The following MGMT variants were observed in gnomAD, a reference collection of about 807,000 sequenced individuals.
MGMT encodes O-6-methylguanine-DNA methyltransferase, also known as methylated-DNA--protein-cysteine methyltransferase.
Under a neutral mutation model 15.9 loss-of-function variants are expected in MGMT, and 14 were observed. The ratio of observed to expected loss-of-function variants is 0.88; its 90% CI spans 0.58 to 1.37. MGMT has a LOEUF of 1.37. Ranked by LOEUF, MGMT falls within the 40% of genes most tolerant of loss-of-function variation. The pLI is 0.00. For missense variants in MGMT, 282 were observed against 268.1 expected, an observed-to-expected ratio of 1.05 and a Z score of -0.36; for synonymous variants, 130 against 118.2, an observed-to-expected ratio of 1.10 and a Z score of -0.65.
intron 1 of MGMT, among the ~76,000 whole-genome samples, chr10:129,518,356 A>T: frequency 6.7e-6 from 1 of 150,322 alleles, no homozygotes. Context: ...ACACACACAC[A>T]CACACACACA....
intron 2 of MGMT, among the ~76,000 whole-genome samples, chr10:129,646,035 A>G (rs776062939): frequency 7.9e-5 from 12 of 152,046 alleles, no homozygotes; most frequent in Non-Finnish European, 1.6e-4. Context: ...TCTGCTTGGC[A>G]CTTACTAATA....
intron 3 of MGMT, among the ~76,000 whole-genome samples, chr10:129,722,622 A>C (rs1212218932): frequency 6.6e-6 from 1 of 152,254 alleles, no homozygotes; most frequent in Non-Finnish European, 1.5e-5. Context: ...GTAAGGATCA[A>C]AACTTAGAAC....
At chr10:129,615,150 T>C (rs1307360233) in intron 2 of MGMT, among the ~76,000 whole-genome samples, 3 of 152,132 alleles carry the variant, frequency 2.0e-5, no homozygotes, top group East Asian at 3.8e-4. Flanking sequence ...GATGCCTATA[T>C]TGGGCAGCTG....
chr10:129,615,938 G>C (rs1432863271), intron 2 of MGMT, among the ~76,000 whole-genome samples: 3 of 152,316 alleles, frequency 2.0e-5, no homozygotes, highest in African/African-American at 7.2e-5. Context: ...TGGGGAGCAA[G>C]GGAGGCTTCT....
intron 2 of MGMT, among the ~76,000 whole-genome samples, chr10:129,564,677 CCTTCCTCCTCCTCCTCTCCTTCCTCCT>C (rs1846331799): frequency 8.0e-6 from 1 of 124,438 alleles, no homozygotes; most frequent in Non-Finnish European, 1.7e-5. Context: ...CCCCTCCTCT[CCTTCCTCCTCCTCCTCTCCTTCCTCCT>C]CTTCCTCCTC....
At chr10:129,706,868 T>G (rs1372764870) in intron 2 of MGMT, among the ~76,000 whole-genome samples, 1 of 151,874 alleles carries the variant, frequency 6.6e-6, no homozygotes, top group Non-Finnish European at 1.5e-5. Context: ...AAGCCACAGA[T>G]GAATGAACAC....
At chr10:129,586,796 C>T (rs1321784317) in intron 2 of MGMT, among the ~76,000 whole-genome samples, 1 of 152,108 alleles carries the variant, frequency 6.6e-6, no homozygotes, top group East Asian at 1.9e-4. Context: ...TAAAAAGTTG[C>T]CAAACTGTTT....
chr10:129,672,917 G>A (rs1267275274), intron 2 of MGMT, among the ~76,000 whole-genome samples: 1 of 152,112 alleles, frequency 6.6e-6, no homozygotes, highest in Admixed American at 6.5e-5. Flanking sequence ...GTATTGCCCG[G>A]GAGGATGTTT....
chr10:129,692,665 G>A (rs1293383640), intron 2 of MGMT, among the ~76,000 whole-genome samples: 1 of 152,210 alleles, frequency 6.6e-6, no homozygotes, highest in Non-Finnish European at 1.5e-5. Flanking sequence ...CGGGTGTGGC[G>A]TGGGCCCAGC....
chr10:129,594,947 G>A lies in MGMT; in HGVS notation c.125+58570G>A, dbSNP rs74160235. Among the ~76,000 whole-genome samples the A allele has an allele frequency of 3.4e-3, 518 of 152,264 alleles. 2 individuals carry two copies. The highest frequency in any genetic ancestry group is 0.012 in the African/African-American group (497 of 41,544). ...TCAACCTGCCAGGCTGGAGAAGACC[G>A]CTCAGAGCTTTTCCTTGACTGGGGA... On this transcript the variant is annotated intron_variant, in intron 2 of 4. Transcript: ENST00000651593.
intron 1 of MGMT, among the ~76,000 whole-genome samples, chr10:129,480,555 G>A (rs1845346587): frequency 2.6e-5 from 4 of 152,188 alleles, no homozygotes; most frequent in African/African-American, 9.6e-5. Flanking sequence ...ATGGTGGTGG[G>A]TACCAGTATT....
At chr10:129,611,965 C>T (rs993826363) in intron 2 of MGMT, among the ~76,000 whole-genome samples, 10 of 152,188 alleles carry the variant, frequency 6.6e-5, no homozygotes, top group Admixed American at 2.0e-4. Flanking sequence ...AGTGACACAG[C>T]CCTCAGGAGA....
chr10:129,621,912 T>C (rs1564739748), intron 2 of MGMT, among the ~76,000 whole-genome samples: 1 of 152,218 alleles, frequency 6.6e-6, no homozygotes, highest in Non-Finnish European at 1.5e-5. Context: ...TGTTAACTAT[T>C]AAGAGAGGAA....
chr10:129,670,903 A>G (rs1847714890), intron 2 of MGMT, among the ~76,000 whole-genome samples: 1 of 152,178 alleles, frequency 6.6e-6, no homozygotes, highest in Non-Finnish European at 1.5e-5. Context: ...AATTATCTCA[A>G]TTTACTTGAC....
chr10:129,716,136 G>A (rs1213773842), intron 3 of MGMT, among the ~76,000 whole-genome samples: 2 of 152,246 alleles, frequency 1.3e-5, no homozygotes, highest in South Asian at 2.1e-4. Context: ...ATTGAAGAAC[G>A]AAATCGAGGA....
intron 3 of MGMT, among the ~76,000 whole-genome samples, chr10:129,709,762 T>G (rs1393284132): frequency 6.6e-6 from 1 of 152,214 alleles, no homozygotes; most frequent in Non-Finnish European, 1.5e-5. Flanking sequence ...CCAAGTCATA[T>G]GGTGGCCCTG....
At chr10:129,557,083 C>T (rs902830715) in intron 2 of MGMT, among the ~76,000 whole-genome samples, 5 of 152,136 alleles carry the variant, frequency 3.3e-5, no homozygotes, top group Admixed American at 1.3e-4. Flanking sequence ...TGGAGTGGAG[C>T]GGGAAATACA....
In MGMT at chr10:129,536,382, G is replaced by C. The variant is rs750233570; in HGVS notation, c.125+5G>C. 2.5e-6 allele frequency: 4 copies of C among 1,611,156 alleles called. No individual in the cohort carries two copies. Among genetic ancestry groups the C allele is most frequent in the South Asian group, 2.2e-5 (2 of 90,732 alleles). ...CAAGGGGACGTCTGCAGCTGAGTAA[G>C]TATGAGCCCACGTGATCCTGTATAC... On this transcript the variant is annotated splice_donor_5th_base_variant and intron_variant, in intron 2 of 4. Coordinates refer to ENST00000651593, the MANE Select transcript of MGMT (RefSeq NM_002412.5).
intron 4 of MGMT, among the ~76,000 whole-genome samples, chr10:129,764,909 C>T (rs1383345376): frequency 1.3e-5 from 2 of 152,134 alleles, no homozygotes; most frequent in Non-Finnish European, 2.9e-5. Context: ...ATGTGCTGCC[C>T]TCCAGCTCAG....
Sources: allele counts gnomAD v4.1 joint callset (sites outside exome capture counted in the v4.1 genomes callset), GRCh38; gene constraint gnomAD v4.1.1; transcripts MANE v1.5; gene names NCBI Gene and HGNC (gene_info 2026-07-23, HGNC 2026-07-21).